The following ZBTB7C variants were observed in gnomAD, a reference collection of about 807,000 sequenced individuals.
The protein encoded by ZBTB7C is zinc finger and BTB domain-containing protein 7C.
ZBTB7C carries 8 observed loss-of-function variants against 25.7 expected under a neutral mutation model. The ratio of observed to expected loss-of-function variants is 0.31; its 90% CI spans 0.18 to 0.56. ZBTB7C has a LOEUF of 0.56. ZBTB7C is among the 20% of genes least tolerant of loss of function. The pLI is 0.91. For synonymous variants in ZBTB7C, 394 were observed against 369.0 expected, an observed-to-expected ratio of 1.07 and a Z score of -0.78; for missense variants, 824 against 855.2, an observed-to-expected ratio of 0.96 and a Z score of 0.46.
chr18:48,300,101 C>T (rs2045505209), intron 2 of ZBTB7C, among the ~76,000 whole-genome samples: 1 of 152,200 alleles, frequency 6.6e-6, no homozygotes, highest in South Asian at 2.1e-4. Context: ...AGTAGCAAAG[C>T]TTGTGGCAGG....
At chr18:48,216,449 G>GACT (rs2042824849) in intron 2 of ZBTB7C, among the ~76,000 whole-genome samples, 1 of 152,124 alleles carries the variant, frequency 6.6e-6, no homozygotes, top group African/African-American at 2.4e-5. Flanking sequence ...GGCAAAATGG[G>GACT]CAGCGAGGGC....
In ZBTB7C at chr18:48,028,966, G is replaced by T; in HGVS notation, c.*294C>A. The stretch of plus-strand genomic sequence containing the variant: ...TCACCCAGCTCCTAAGTGCCCCTGG[G>T]CACCCAGTTCTTTGTGGCATGGGCC... On this transcript the variant is annotated 3_prime_UTR_variant, in exon 5 of 5. Transcript: ENST00000590800. The T allele has an allele frequency of 2.5e-6, 1 of 401,696 alleles. No individual in the cohort carries two copies. The highest frequency in any genetic ancestry group is 4.4e-6 in the Non-Finnish European group (1 of 229,130). 24.9% of individuals were successfully genotyped at this position (401,696 alleles called of 1,614,324 possible).
At chr18:48,219,280 C>A (rs1431942704) in intron 2 of ZBTB7C, among the ~76,000 whole-genome samples, 1 of 152,206 alleles carries the variant, frequency 6.6e-6, no homozygotes, top group African/African-American at 2.4e-5. Flanking sequence ...CCTGCCCTCC[C>A]AGGCACTGCC....
chr18:48,367,246 C>A (rs1433703388), intron 1 of ZBTB7C, among the ~76,000 whole-genome samples: 1 of 130,606 alleles, frequency 7.7e-6, no homozygotes, highest in Non-Finnish European at 1.6e-5. Context: ...CATACACACA[C>A]ACACACATAT....
chr18:48,389,224 CTCTCTCTCTCTCGTGTGTGT>C (rs1416997379), intron 1 of ZBTB7C, among the ~76,000 whole-genome samples: 2,758 of 122,648 alleles, frequency 0.022, 18 homozygotes, highest in Non-Finnish European at 0.031. Context: ...CTCTCTCTCT[CTCTCTCTCTCTCGTGTGTGT>C]GTGTGTGTGT....
chr18:48,235,269 T>C (rs1216315487), intron 2 of ZBTB7C, among the ~76,000 whole-genome samples: 3 of 152,174 alleles, frequency 2.0e-5, no homozygotes, highest in Non-Finnish European at 4.4e-5. Context: ...AAAATTGAGG[T>C]TTTAAAATTA....
In ZBTB7C at chr18:48,040,193, GAAGGGTGGCGGT is replaced by G. The variant is rs757139718; in HGVS notation, c.903_914del (p.Pro303_Pro306del). The G allele has an allele frequency of 6.4e-7, 1 of 1,574,320 alleles. No individual in the cohort carries two copies. The highest frequency in any genetic ancestry group is 1.4e-5 in the African/African-American group (1 of 73,860). On this transcript the variant is annotated inframe_deletion, in exon 4 of 5. Coordinates refer to ENST00000590800, the MANE Select transcript of ZBTB7C (RefSeq NM_001318841.2). ...ACATGTCCTTGAAGAAGTCATTAGGGAAGGGTGGCGGTGGGGGTGGGGGCAGCTCCTCCTTCT... is the reference window on the plus strand; with the variant it reads ...ACATGTCCTTGAAGAAGTCATTAGGGGGGGGTGGGGGCAGCTCCTCCTTCT...
chr18:48,411,141 G>A (rs371215827), upstream of ZBTB7C, among the ~76,000 whole-genome samples: 2 of 152,272 alleles, frequency 1.3e-5, no homozygotes, highest in East Asian at 3.9e-4. Context: ...ACGGGCTCTG[G>A]AATAGGATGT....
intron 2 of ZBTB7C, among the ~76,000 whole-genome samples, chr18:48,228,850 C>G (rs1043670199): frequency 2.0e-5 from 3 of 152,098 alleles, no homozygotes; most frequent in Admixed American, 6.5e-5. Flanking sequence ...TGTGCACACC[C>G]TCTCATACAC....
intron 3 of ZBTB7C, among the ~76,000 whole-genome samples, chr18:48,111,970 T>A (rs367646618): frequency 3.9e-5 from 6 of 152,162 alleles, no homozygotes; most frequent in East Asian, 3.8e-4. Context: ...ATAATATTAA[T>A]CTCAGTATGA....
chr18:48,300,456 G>A (rs934707005), intron 2 of ZBTB7C, among the ~76,000 whole-genome samples: 5 of 152,250 alleles, frequency 3.3e-5, no homozygotes, highest in African/African-American at 1.2e-4. Flanking sequence ...CTGGGCATCC[G>A]ATTCCACCCT....
intron 3 of ZBTB7C, among the ~76,000 whole-genome samples, chr18:48,086,876 G>A (rs544374681): frequency 6.6e-6 from 1 of 152,136 alleles, no homozygotes; most frequent in East Asian, 1.9e-4. Flanking sequence ...GTGCTGGAGT[G>A]GGCCTTGTTA....
chr18:48,385,007 C>T (rs575108214), intron 1 of ZBTB7C, among the ~76,000 whole-genome samples: 1 of 152,096 alleles, frequency 6.6e-6, no homozygotes, highest in African/African-American at 2.4e-5. Context: ...TATGTGTGGC[C>T]CAAGACAATT....
At chr18:48,380,305 G>T (rs1182161640) in intron 1 of ZBTB7C, among the ~76,000 whole-genome samples, 1 of 152,112 alleles carries the variant, frequency 6.6e-6, no homozygotes, top group South Asian at 2.1e-4. Flanking sequence ...ATTCTGAAAC[G>T]GCTACATGCG....
chr18:48,238,062 T>C (rs1194773236), intron 2 of ZBTB7C, among the ~76,000 whole-genome samples: 2 of 152,142 alleles, frequency 1.3e-5, no homozygotes, highest in Non-Finnish European at 2.9e-5. Flanking sequence ...TTAAAAATAA[T>C]GAAAACACAG....
chr18:48,101,367 G>A (rs747513473), intron 3 of ZBTB7C, among the ~76,000 whole-genome samples: 1 of 152,188 alleles, frequency 6.6e-6, no homozygotes, highest in Admixed American at 6.5e-5. Context: ...AATAGTCAAA[G>A]TAAACAGGTG....
chr18:48,034,065 C>T (rs998771542), intron 4 of ZBTB7C, among the ~76,000 whole-genome samples: 5 of 152,154 alleles, frequency 3.3e-5, no homozygotes, highest in East Asian at 3.9e-4. Flanking sequence ...GTGGAAGCAG[C>T]GTGAGTTTAG....
intron 3 of ZBTB7C, chr18:48,088,218 C>CT (rs2038269760): frequency 6.6e-6 from 1 of 152,108 alleles, no homozygotes; most frequent in Non-Finnish European, 1.5e-5. Flanking sequence ...GAACTCAGGC[C>CT]CCCCGAAGTA....
At chr18:48,129,471 C>G (rs1044375524) in intron 3 of ZBTB7C, among the ~76,000 whole-genome samples, 3 of 152,180 alleles carry the variant, frequency 2.0e-5, no homozygotes, top group African/African-American at 7.2e-5. Context: ...GACCTGTTTC[C>G]TTTAATTGCA....
Sources: allele counts gnomAD v4.1 joint callset (sites outside exome capture counted in the v4.1 genomes callset), GRCh38; gene constraint gnomAD v4.1.1; transcripts MANE v1.5; gene names NCBI Gene and HGNC (gene_info 2026-07-23, HGNC 2026-07-21).